Variants in ZNF385D observed in about 807,000 individuals in gnomAD.
The protein encoded by ZNF385D is zinc finger protein 385D.
ZNF385D carries 15 observed loss-of-function variants against 35.8 expected under a neutral mutation model. That is an observed-to-expected ratio of 0.42 (90% CI 0.28 to 0.64). The LOEUF (loss-of-function observed/expected upper bound fraction) is 0.64, where lower values mean the gene tolerates loss of function less well. Among genes scored for constraint, ZNF385D ranks in the 30% least tolerant of loss-of-function variants. The pLI is 0.23. For synonymous variants in ZNF385D, 212 were observed against 186.8 expected, an observed-to-expected ratio of 1.13 and a Z score of -1.10; for missense variants, 474 against 494.6, an observed-to-expected ratio of 0.96 and a Z score of 0.39.
intron 4 of ZNF385D, among the ~76,000 whole-genome samples, chr3:21,509,980 T>G (rs1335291172): frequency 1.3e-5 from 2 of 152,218 alleles, no homozygotes; most frequent in African/African-American, 4.8e-5. Context: ...ATCAGTCATA[T>G]CCAGAAGATC....
intron 1 of ZNF385D, among the ~76,000 whole-genome samples, chr3:21,677,072 TA>T (rs955205629): frequency 1.3e-5 from 2 of 152,138 alleles, no homozygotes; most frequent in Admixed American, 1.3e-4. Context: ...TATATTATGA[TA>T]AAAGGAAAGA....
At chr3:21,905,634 G>A (rs1194368955) in intron 3 of ZNF385D, among the ~76,000 whole-genome samples, 2 of 151,654 alleles carry the variant, frequency 1.3e-5, no homozygotes, top group East Asian at 1.9e-4. Context: ...AAAGGTAGGT[G>A]GCATTTCTTT....
chr3:22,174,754 T>A (rs994400481), intron 2 of ZNF385D, among the ~76,000 whole-genome samples: 11 of 152,076 alleles, frequency 7.2e-5, no homozygotes, highest in African/African-American at 2.2e-4. Context: ...ATACAACTAG[T>A]CAGGGTAGAT....
chr3:22,017,138 A>T (rs1471595444), intron 3 of ZNF385D, among the ~76,000 whole-genome samples: 1 of 152,030 alleles, frequency 6.6e-6, no homozygotes, highest in Non-Finnish European at 1.5e-5. Flanking sequence ...ATTTTGTTAT[A>T]TATTTTTATG....
chr3:22,025,801 C>A (rs1271121041), intron 3 of ZNF385D, among the ~76,000 whole-genome samples: 2 of 152,044 alleles, frequency 1.3e-5, no homozygotes, highest in South Asian at 2.1e-4. Flanking sequence ...CAAGATATAC[C>A]CTGGACCAAT....
At chr3:21,952,682 C>A (rs1238278912) in intron 3 of ZNF385D, among the ~76,000 whole-genome samples, 2 of 151,848 alleles carry the variant, frequency 1.3e-5, no homozygotes. Context: ...AAAACAGTCA[C>A]TTAAATATAT....
intron 2 of ZNF385D, among the ~76,000 whole-genome samples, chr3:21,647,787 G>T (rs1290733877): frequency 6.6e-6 from 1 of 152,048 alleles, no homozygotes; most frequent in Non-Finnish European, 1.5e-5. Context: ...ACATTTAACT[G>T]TAGATTTTAT....
intron 2 of ZNF385D, among the ~76,000 whole-genome samples, chr3:22,191,657 T>C (rs939052462): frequency 2.0e-5 from 3 of 152,260 alleles, no homozygotes; most frequent in African/African-American, 4.8e-5. Context: ...GCTGATGAAG[T>C]TGTTCTTCAA....
intron 1 of ZNF385D, among the ~76,000 whole-genome samples, chr3:21,732,349 G>A (rs1282400643): frequency 6.6e-6 from 1 of 152,066 alleles, no homozygotes; most frequent in Non-Finnish European, 1.5e-5. Flanking sequence ...ACCGTGCCTG[G>A]CCATGTTCAG....
chr3:21,864,280 C>G (rs1461097959), intron 3 of ZNF385D, among the ~76,000 whole-genome samples: 1 of 152,082 alleles, frequency 6.6e-6, no homozygotes, highest in African/African-American at 2.4e-5. Flanking sequence ...ATAGCTTAAC[C>G]AGGTAAGCAA....
chr3:21,420,896 T>C lies in ZNF385D; in HGVS notation c.*318A>G, dbSNP rs1043755480. On this transcript the variant is annotated 3_prime_UTR_variant, in exon 8 of 8. Transcript: ENST00000281523. ...TTGTTTCATAAAGCAGGACAGACAA[T>C]GCAGAGGGAAATAGGTGCCCAAAAG... The C allele has an allele frequency of 3.7e-6, 1 of 266,910 alleles. No individual in the cohort carries two copies. Among genetic ancestry groups the C allele is most frequent in the Non-Finnish European group, 7.2e-6 (1 of 138,314 alleles). 16.5% of individuals were successfully genotyped at this position (266,910 alleles called of 1,614,324 possible). A position where few individuals can be genotyped will look rare whatever the true frequency, so the allele number is the denominator to read the frequency against.
intron 2 of ZNF385D, among the ~76,000 whole-genome samples, chr3:22,364,923 A>G (rs972457965): frequency 1.3e-5 from 2 of 152,146 alleles, no homozygotes; most frequent in African/African-American, 4.8e-5. Flanking sequence ...AGCCTTAAAA[A>G]GGAAGGAAAT....
At chr3:21,868,678 A>G (rs1697515461) in intron 3 of ZNF385D, among the ~76,000 whole-genome samples, 1 of 152,186 alleles carries the variant, frequency 6.6e-6, no homozygotes, top group Non-Finnish European at 1.5e-5. Flanking sequence ...GAGTTATTAC[A>G]CAGCAATTAA....
At chr3:22,151,800 G>A (rs1029219200) in intron 3 of ZNF385D, among the ~76,000 whole-genome samples, 1 of 152,074 alleles carries the variant, frequency 6.6e-6, no homozygotes, top group African/African-American at 2.4e-5. Flanking sequence ...TAACCACCGT[G>A]AGCCCTTTAA....
chr3:22,012,617 G>A (rs1469775508), intron 3 of ZNF385D, among the ~76,000 whole-genome samples: 1 of 152,128 alleles, frequency 6.6e-6, no homozygotes, highest in East Asian at 1.9e-4. Flanking sequence ...TAATGAGATA[G>A]GAATGTGGAT....
intron 1 of ZNF385D, among the ~76,000 whole-genome samples, chr3:21,722,289 AC>A (rs1341074904): frequency 6.6e-6 from 1 of 152,030 alleles, no homozygotes; most frequent in Non-Finnish European, 1.5e-5. Context: ...TCTGAATAAA[AC>A]CTTTTCCTTC....
chr3:22,276,978 G>A (rs1701462461), intron 2 of ZNF385D, among the ~76,000 whole-genome samples: 1 of 151,980 alleles, frequency 6.6e-6, no homozygotes, highest in South Asian at 2.1e-4. Context: ...TTACATGGTT[G>A]GTAATGAAGA....
chr3:22,143,839 A>G (rs748236763), intron 3 of ZNF385D, among the ~76,000 whole-genome samples: 8 of 152,210 alleles, frequency 5.3e-5, no homozygotes, highest in Non-Finnish European at 1.2e-4. Flanking sequence ...AAATTCATGT[A>G]CTATTGTAAC....
rs78016221 is a variant in ZNF385D at position 21,995,084 on chromosome 3, G to T, written c.325+173733C>A. Among the ~76,000 whole-genome samples the T allele has an allele frequency of 1.4e-4, 22 of 152,324 alleles. No homozygotes were observed. The East Asian group carries it at 3.9e-3, about 27-fold the overall frequency. ...GCCAAATAAGTGGATAGGTCGTCAG[G>T]CCCCTGGGCAGTGTGCATGACATCA... On this transcript the variant is annotated intron_variant, in intron 3 of 5. Transcript: ENST00000494108.
Sources: allele counts gnomAD v4.1 joint callset (sites outside exome capture counted in the v4.1 genomes callset), GRCh38; gene constraint gnomAD v4.1.1; transcripts MANE v1.5; gene names NCBI Gene and HGNC (gene_info 2026-07-23, HGNC 2026-07-21).